SAMD12: variants seen among roughly 807,000 people sequenced by gnomAD.
The protein encoded by SAMD12 is sterile alpha motif domain-containing protein 12.
A neutral mutation model predicts 15.0 loss-of-function variants in SAMD12; 9 were observed. That is an observed-to-expected ratio of 0.60 (90% CI 0.36 to 1.05). The LOEUF is 1.05. SAMD12 is among the 50% of genes least tolerant of loss of function. The probability of loss-of-function intolerance (pLI) is 0.01; values close to 1 mark genes in which losing one functional copy is unlikely to be tolerated. For synonymous variants in SAMD12, 86 were observed against 90.1 expected (o/e 0.96, Z 0.25); for missense variants, 230 against 234.2 (o/e 0.98, Z 0.12).
At chr8:118,346,629 G>C (rs948541789) in intron 4 of SAMD12, among the ~76,000 whole-genome samples, 4 of 152,184 alleles carry the variant, frequency 2.6e-5, no homozygotes, top group African/African-American at 9.7e-5. Flanking sequence ...GGGTCTCTAA[G>C]AGCAACCCCA....
chr8:118,247,809 T>C (rs1812731177), intron 4 of SAMD12, among the ~76,000 whole-genome samples: 1 of 152,062 alleles, frequency 6.6e-6, no homozygotes, highest in African/African-American at 2.4e-5. Context: ...CCCAGGATGG[T>C]CTCAAACTCC....
chr8:118,153,804 T>G, the SAMD12 span, among the ~76,000 whole-genome samples: 3 of 152,154 alleles, frequency 2.0e-5, no homozygotes, highest in African/African-American at 4.8e-5. Context: ...TCTACCTTCT[T>G]GTTTCTTACA....
chr8:118,162,235 T>G, the SAMD12 span, among the ~76,000 whole-genome samples: 1 of 147,826 alleles, frequency 6.8e-6, no homozygotes, highest in Non-Finnish European at 1.5e-5. Flanking sequence ...CTGAGGCAAC[T>G]TTTAAGGGTT....
intron 4 of SAMD12, among the ~76,000 whole-genome samples, chr8:118,248,491 G>T (rs986952717): frequency 5.9e-5 from 9 of 152,116 alleles, no homozygotes; most frequent in Non-Finnish European, 1.3e-4. Flanking sequence ...GAATGCTAAT[G>T]TTGCTCAGAT....
At chr8:118,131,899 T>C in the SAMD12 span, among the ~76,000 whole-genome samples, 1 of 152,180 alleles carries the variant, frequency 6.6e-6, no homozygotes, top group Non-Finnish European at 1.5e-5. Flanking sequence ...GTTCTGAAAA[T>C]TTATATTTTT....
chr8:118,379,258 T>C lies in SAMD12; in HGVS notation c.*159A>G. On this transcript the variant is annotated 3_prime_UTR_variant, in exon 4 of 4. Transcript: ENST00000314727. ...GTGAGTGCAATCGTACCCTGATTGA[T>C]GTGACTGGTATTCTCTGGGGTTGTG... is the stretch of plus-strand genomic sequence containing the variant. The C allele has an allele frequency of 7.0e-7, 1 of 1,432,220 alleles. No homozygotes were observed. Among genetic ancestry groups the C allele is most frequent in the Non-Finnish European group, 9.1e-7 (1 of 1,095,704 alleles). The allele number at this position is 1,432,220 out of a possible 1,614,324, so 88.7% of individuals were successfully genotyped here. A position where few individuals can be genotyped will look rare whatever the true frequency, so the allele number is the denominator to read the frequency against.
chr8:118,370,502 C>G (rs1819035162), intron 4 of SAMD12, among the ~76,000 whole-genome samples: 1 of 152,142 alleles, frequency 6.6e-6, no homozygotes, highest in African/African-American at 2.4e-5. Context: ...CACTGCAGCA[C>G]TACTCACAAC....
intron 4 of SAMD12, among the ~76,000 whole-genome samples, chr8:118,223,902 T>A (rs1424161947): frequency 6.6e-6 from 1 of 152,246 alleles, no homozygotes; most frequent in South Asian, 2.1e-4. Context: ...CTGGCCTCAG[T>A]TTTTCCACCA....
intron 2 of SAMD12, among the ~76,000 whole-genome samples, chr8:118,468,334 A>G (rs1823656829): frequency 6.6e-6 from 1 of 152,056 alleles, no homozygotes; most frequent in Non-Finnish European, 1.5e-5. Flanking sequence ...TAAACCAACC[A>G]GTTTTCTTAC....
intron 2 of SAMD12, among the ~76,000 whole-genome samples, chr8:118,470,840 TCTC>T (rs1447227972): frequency 2.0e-5 from 3 of 152,182 alleles, no homozygotes; most frequent in Admixed American, 1.3e-4. Flanking sequence ...AGGGGTATCT[TCTC>T]AGGAAAAATT....
chr8:118,361,484 T>C (rs1176112942), intron 4 of SAMD12, among the ~76,000 whole-genome samples: 1 of 152,202 alleles, frequency 6.6e-6, no homozygotes. Context: ...AAGACCATAC[T>C]CAATAAGTAA....
chr8:118,369,336 G>A (rs946619417), intron 4 of SAMD12, among the ~76,000 whole-genome samples: 11 of 152,158 alleles, frequency 7.2e-5, no homozygotes, highest in African/African-American at 2.7e-4. Context: ...AAACGGTGCT[G>A]GGAAACCTGG....
chr8:118,184,293 TC>T, the SAMD12 span, among the ~76,000 whole-genome samples: 1 of 152,228 alleles, frequency 6.6e-6, no homozygotes, highest in African/African-American at 2.4e-5. Context: ...ATCTGTCATG[TC>T]CAGGGTCAGA....
At chr8:118,283,946 T>A (rs1445659051) in intron 4 of SAMD12, among the ~76,000 whole-genome samples, 2 of 152,172 alleles carry the variant, frequency 1.3e-5, no homozygotes. Context: ...GTTTCTGGTA[T>A]ATAGAAGTCC....
chr8:118,172,174 A>C, the SAMD12 span, among the ~76,000 whole-genome samples: 11 of 152,118 alleles, frequency 7.2e-5, no homozygotes, highest in Admixed American at 6.6e-4. Flanking sequence ...TTAATGGGTG[A>C]AGCACACCAA....
rs191045931 is a variant in SAMD12, at chr8:118,510,889, T to C, written c.192+69826A>G. Among the ~76,000 whole-genome samples, 606 of 152,306 alleles carry C rather than the reference T, an allele frequency of 4.0e-3. 1 individual carries two copies. Among genetic ancestry groups the C allele is most frequent in the African/African-American group, 0.014 (591 of 41,566 alleles). ...AATGCATTTCCTCCAAGCAAAGAAA[T>C]TGTGAATGTGGTTACTTTACTACTA... On this transcript the variant is annotated intron_variant, in intron 2 of 3. Transcript: ENST00000314727.
intron 2 of SAMD12, among the ~76,000 whole-genome samples, chr8:118,469,509 A>AATATATATT (rs199671570): frequency 1.4e-3 from 1 of 720 alleles, no homozygotes; most frequent in African/African-American, 3.0e-3. Context: ...ATTTTTATAT[A>AATATATATT]ATATATAATA....
intron 2 of SAMD12, among the ~76,000 whole-genome samples, chr8:118,526,928 C>T (rs1420197821): frequency 6.6e-6 from 1 of 152,180 alleles, no homozygotes; most frequent in Non-Finnish European, 1.5e-5. Flanking sequence ...AACACTGGTC[C>T]AGCAACTGCA....
intron 1 of SAMD12, among the ~76,000 whole-genome samples, chr8:118,604,762 A>G (rs1355106076): frequency 1.3e-5 from 2 of 151,980 alleles, no homozygotes; most frequent in Non-Finnish European, 2.9e-5. Flanking sequence ...TCTACTAAAA[A>G]TAAAAAAAAA....
Sources: allele counts gnomAD v4.1 joint callset (sites outside exome capture counted in the v4.1 genomes callset), GRCh38; gene constraint gnomAD v4.1.1; transcripts MANE v1.5; gene names NCBI Gene and HGNC (gene_info 2026-07-23, HGNC 2026-07-21).